Variants in C3orf70 observed in about 807,000 individuals in gnomAD.
C3orf70 encodes the protein chromosome 3 open reading frame 70, also known as UPF0524 protein C3orf70.
In C3orf70, 15 loss-of-function variants were observed where a neutral mutation model predicts 20.7. The observed-to-expected ratio is 0.72, with a 90% CI of 0.48 to 1.11. C3orf70 has a LOEUF of 1.11. Ranked by LOEUF, C3orf70 falls within the 50% of genes most tolerant of loss-of-function variation. The pLI is 0.00. For missense variants in C3orf70, 332 were observed against 317.6 expected (o/e 1.05, Z -0.34); for synonymous variants, 161 against 125.7 (o/e 1.28, Z -1.88).
At chr3:185,092,989 CAAAAAA>C (rs35779843) in intron 1 of C3orf70, among the ~76,000 whole-genome samples, 1 of 129,964 alleles carries the variant, frequency 7.7e-6, no homozygotes, top group Admixed American at 7.6e-5. Context: ...GACTCCATCT[CAAAAAA>C]AAAAAAAAAA....
At chr3:185,085,907 C>G (rs971192175) in intron 1 of C3orf70, among the ~76,000 whole-genome samples, 1 of 152,150 alleles carries the variant, frequency 6.6e-6, no homozygotes, top group Admixed American at 6.5e-5. Flanking sequence ...AAATAAAACG[C>G]GGAATGAAGG....
At chr3:185,122,793 C>G (rs1024864056) in intron 1 of C3orf70, among the ~76,000 whole-genome samples, 2 of 151,548 alleles carry the variant, frequency 1.3e-5, no homozygotes, top group Non-Finnish European at 2.9e-5. Flanking sequence ...CAGGAAAGAA[C>G]AAATACAAAA....
At chr3:185,125,051 T>C (rs1233874156) in intron 1 of C3orf70, among the ~76,000 whole-genome samples, 2 of 152,162 alleles carry the variant, frequency 1.3e-5, no homozygotes, top group Non-Finnish European at 2.9e-5. Flanking sequence ...TATTCATTCA[T>C]TGTTGGTGGG....
chr3:185,090,250 T>G (rs565437001), intron 1 of C3orf70, among the ~76,000 whole-genome samples: 8 of 152,276 alleles, frequency 5.3e-5, no homozygotes, highest in African/African-American at 1.9e-4. Flanking sequence ...TTCTCTTGGT[T>G]GTAGAGCACA....
intron 1 of C3orf70, among the ~76,000 whole-genome samples, chr3:185,147,495 T>C (rs1183074115): frequency 7.2e-5 from 11 of 152,234 alleles, no homozygotes; most frequent in Admixed American, 2.6e-4. Flanking sequence ...GCTCTGTTGG[T>C]TCTGCTCACT....
chr3:185,109,078 G>A (rs1356314176), intron 1 of C3orf70, among the ~76,000 whole-genome samples: 1 of 152,204 alleles, frequency 6.6e-6, no homozygotes, highest in African/African-American at 2.4e-5. Context: ...ATAGTGGAAA[G>A]AATGAATATC....
intron 1 of C3orf70, among the ~76,000 whole-genome samples, chr3:185,114,686 T>C (rs140352601): frequency 2.4e-4 from 37 of 152,336 alleles, no homozygotes; most frequent in African/African-American, 8.4e-4. Context: ...CATAGAAGCA[T>C]AGGGTTTTAC....
chr3:185,092,746 A>G (rs1470729786), intron 1 of C3orf70, among the ~76,000 whole-genome samples: 1 of 152,180 alleles, frequency 6.6e-6, no homozygotes, highest in Non-Finnish European at 1.5e-5. Context: ...TAATCCCAGC[A>G]CTTTGGGAGG....
At chr3:185,086,965 C>T (rs2108586943) in intron 1 of C3orf70, among the ~76,000 whole-genome samples, 1 of 152,240 alleles carries the variant, frequency 6.6e-6, no homozygotes, top group African/African-American at 2.4e-5. Context: ...GTGCTTTGCT[C>T]CAGTCCCTGA....
chr3:185,129,225 C>CT (rs1024544266), intron 1 of C3orf70, among the ~76,000 whole-genome samples: 1 of 152,168 alleles, frequency 6.6e-6, no homozygotes, highest in Non-Finnish European at 1.5e-5. Flanking sequence ...CCTGGCCCCC[C>CT]TCCGTCTGCC....
chr3:185,097,797 G>A (rs1367288346), intron 1 of C3orf70, among the ~76,000 whole-genome samples: 4 of 152,250 alleles, frequency 2.6e-5, no homozygotes, highest in African/African-American at 9.6e-5. Flanking sequence ...TGATTCACAT[G>A]TGACGTTCTA....
intron 1 of C3orf70, among the ~76,000 whole-genome samples, chr3:185,084,443 T>A (rs1187962985): frequency 6.6e-6 from 1 of 151,906 alleles, no homozygotes; most frequent in Non-Finnish European, 1.5e-5. Flanking sequence ...GGGTAAAGTT[T>A]AGGGTGGGAA....
chr3:185,147,719 A>G (rs1577336961), intron 1 of C3orf70, among the ~76,000 whole-genome samples: 2 of 152,312 alleles, frequency 1.3e-5, no homozygotes, highest in East Asian at 3.9e-4. Context: ...CACTCAGTAA[A>G]TATTAACAAT....
Position 185,118,434 on chromosome 3 carries a change from T to C in C3orf70, c.196+34194A>G, listed in dbSNP as rs375289418. ...CTTATCTGTCTCTTCCACTAGACTA[T>C]GGGCTCCTTAATGACAAGGGCTGTG... On this transcript the variant is annotated intron_variant, in intron 1 of 1. Coordinates refer to ENST00000335012, the MANE Select transcript of C3orf70 (RefSeq NM_001025266.3). 2.0e-4 allele frequency among the ~76,000 whole-genome samples: 31 copies of C among 152,314 alleles called. No individual in the cohort carries two copies. In the East Asian group the frequency reaches 4.8e-3, roughly 24 times the overall value.
intron 1 of C3orf70, among the ~76,000 whole-genome samples, chr3:185,128,454 A>G (rs1314086361): frequency 3.9e-5 from 6 of 151,948 alleles, no homozygotes; most frequent in Admixed American, 3.3e-4. Context: ...CCTGAACCCC[A>G]GAAGCAGAGG....
At chr3:185,124,428 T>C in intron 1 of C3orf70, among the ~76,000 whole-genome samples, 1 of 152,224 alleles carries the variant, frequency 6.6e-6, no homozygotes, top group African/African-American at 2.4e-5. Context: ...TCGCACTGCC[T>C]GATTTCAAGA....
At chr3:185,137,297 T>G (rs1241077791) in intron 1 of C3orf70, among the ~76,000 whole-genome samples, 2 of 152,342 alleles carry the variant, frequency 1.3e-5, no homozygotes, top group Middle Eastern at 3.4e-3. Flanking sequence ...CCATTAAACC[T>G]CTTTCTTTTG....
chr3:185,089,909 CCTT>C (rs972551195), intron 1 of C3orf70, among the ~76,000 whole-genome samples: 4 of 152,190 alleles, frequency 2.6e-5, no homozygotes, highest in Admixed American at 6.5e-5. Context: ...ATGATGTTTT[CCTT>C]CTTTGCTGTT....
At chr3:185,085,657 CT>C (rs1449553608) in intron 1 of C3orf70, among the ~76,000 whole-genome samples, 1 of 146,322 alleles carries the variant, frequency 6.8e-6, no homozygotes, top group Non-Finnish European at 1.5e-5. Context: ...ATTTCTCCAG[CT>C]CTTTAAAAGG....
Sources: allele counts gnomAD v4.1 joint callset (sites outside exome capture counted in the v4.1 genomes callset), GRCh38; gene constraint gnomAD v4.1.1; transcripts MANE v1.5; gene names NCBI Gene and HGNC (gene_info 2026-07-23, HGNC 2026-07-21).